The following LZTR1 variants were observed in gnomAD, a reference collection of about 807,000 sequenced individuals.
LZTR1 encodes the protein leucine zipper like post translational regulator 1, also known as leucine-zipper-like transcriptional regulator 1.
In LZTR1, 260 loss-of-function variants were observed where a neutral mutation model predicts 105.7. That is an observed-to-expected ratio of 2.46 (90% CI 2.22 to 2.72). The LOEUF (loss-of-function observed/expected upper bound fraction) is 2.72, where lower values mean the gene tolerates loss of function less well. LZTR1 is among the 30% of genes most tolerant of loss of function. LZTR1 has a pLI of 0.00. For synonymous variants in LZTR1, 490 were observed against 476.4 expected, an observed-to-expected ratio of 1.03 and a Z score of -0.37; for missense variants, 1,214 against 1,166.9, an observed-to-expected ratio of 1.04 and a Z score of -0.59.
At chr22:20,987,292 G>A (rs1924421767) in intron 3 of LZTR1, 1 of 510,978 alleles carries the variant, frequency 2.0e-6, no homozygotes, top group African/African-American at 1.9e-5. Context: ...TACTCAGGAG[G>A]CTGAGGCAGG....
Position 20,995,126 on chromosome 22 carries a change from G to T in LZTR1, c.1942+100G>T, listed in dbSNP as rs777307233. 1.0e-5 allele frequency: 14 copies of T among 1,354,488 alleles called. No individual in the cohort carries two copies. The African/African-American group carries it at 1.4e-4, about 14-fold the overall frequency. 83.9% of individuals were successfully genotyped at this position (1,354,488 alleles called of 1,614,324 possible). On this transcript the variant is annotated intron_variant, in intron 16 of 20. Transcript: ENST00000646124. ...GGAGAGCACCTGCCAGGCCCTCGGG[G>T]TGGGGGTGGGTGCCATGGGACCCCA...
At chr22:20,985,781 T>A in intron 2 of LZTR1, 60 bp from the exon 3 acceptor site, 1 of 1,513,508 alleles carries the variant, frequency 6.6e-7, no homozygotes. Context: ...AGTGCCCATC[T>A]CTGGGGTCAC....
In LZTR1 at chr22:20,995,767, T is replaced by A. The variant is rs199696566; in HGVS notation, c.1964T>A (p.Met655Lys). Residue 655 changes from methionine to lysine, a missense_variant, in exon 17 of 21, where the codon ATG (methionine) becomes AAG (lysine). Met to Lys is a moderately conservative substitution (Grantham distance 95). Coordinates refer to ENST00000646124, the MANE Select transcript of LZTR1 (RefSeq NM_006767.4). ...VDIGTSLIQD[M>K]KAYLEGAGAE... Reference sequence around the variant, plus strand: ...CCAGGCACATCTCTGATCCAGGACATGAAGGCATACCTGGAGGGAGCGGGC... The same window carrying A: ...CCAGGCACATCTCTGATCCAGGACAAGAAGGCATACCTGGAGGGAGCGGGC... 2 of 1,613,598 alleles carry A rather than the reference T, an allele frequency of 1.2e-6. No homozygotes were observed. The highest frequency in any genetic ancestry group is 1.7e-6 in the Non-Finnish European group (2 of 1,180,002).
rs1308380413 is a variant in LZTR1, at chr22:20,982,414, G to A, written c.43G>A (p.Ala15Thr). 6.4e-7 allele frequency: 1 copy of A among 1,570,300 alleles called. No homozygotes were observed. The highest frequency in any genetic ancestry group is 1.3e-5 in the African/African-American group (1 of 74,144). Reference protein sequence around the residue: ...GSTGGQIGAAALAGGARSKVA... With the variant: ...GSTGGQIGAATLAGGARSKVA... ...CACGGGGGGGCAGATCGGGGCTGCG[G>A]CCCTGGCAGGCGGCGCGCGGTCCAA... Residue 15 changes from alanine (A) to threonine (T), a missense_variant, in exon 1 of 21, where the codon GCC (alanine) becomes ACC (threonine). Physicochemically the swap from Ala to Thr is moderately conservative, Grantham distance 58. Transcript: ENST00000646124.
At chr22:20,986,865 C>T (rs916973628) in intron 3 of LZTR1, 1 of 152,206 alleles carries the variant, frequency 6.6e-6, no homozygotes, top group South Asian at 2.1e-4. Context: ...TGGTCACATT[C>T]TGTGAGTGGA....
At position 20,998,554 on chromosome 22, in the gene LZTR1, T is replaced by A. The variant is rs762214332; in HGVS notation, c.*1206T>A. On this transcript the variant is annotated 3_prime_UTR_variant, in exon 21 of 21. Coordinates refer to ENST00000646124, the MANE Select transcript of LZTR1 (RefSeq NM_006767.4). ...AGTGACCTGCTCTCCTTTGGGTGTATGCAGGTGTGTGGGGGGCCCTGAGTG... is the reference window on the plus strand; with the variant it reads ...AGTGACCTGCTCTCCTTTGGGTGTAAGCAGGTGTGTGGGGGGCCCTGAGTG... 3.3e-5 allele frequency: 5 copies of A among 152,362 alleles called. No individual in the cohort carries two copies. The East Asian group carries it at 9.6e-4, about 29-fold the overall frequency. 9.4% of individuals were successfully genotyped at this position (152,362 alleles called of 1,614,324 possible). A position where few individuals can be genotyped will look rare whatever the true frequency, so the allele number is the denominator to read the frequency against.
At chr22:20,984,026 T>C (rs939107156) in intron 2 of LZTR1, among the ~76,000 whole-genome samples, 13 of 152,344 alleles carry the variant, frequency 8.5e-5, no homozygotes, top group African/African-American at 3.1e-4. Flanking sequence ...TTGCTATGTT[T>C]GGATTGTACC....
chr22:20,985,806 G>C (rs777386554), intron 2 of LZTR1, 35 bp from the exon 3 acceptor site: 1 of 1,610,334 alleles, frequency 6.2e-7, no homozygotes, highest in Non-Finnish European at 8.5e-7. Flanking sequence ...GAGTAGACCT[G>C]GCTAATGCCA....
Position 20,990,595 on chromosome 22 carries a change from C to T in LZTR1, c.791+70C>T, listed in dbSNP as rs2073989. 0.33 allele frequency: 480,425 copies of T among 1,476,362 alleles called. 84,127 individuals are homozygous for T. The highest frequency in any genetic ancestry group is 0.39 in the Admixed American group (20,641 of 52,378). The allele number at this position is 1,476,362 out of a possible 1,614,324, so 91.5% of individuals were successfully genotyped here. A position where few individuals can be genotyped will look rare whatever the true frequency, so the allele number is the denominator to read the frequency against. On this transcript the variant is annotated intron_variant, in intron 8 of 20. Transcript: ENST00000646124. ...CTCGAATCCTTCTGAATATGAAGAA[C>T]GCCTCTTGCACCTGGTGGCCATGGT...
chr22:20,983,163 C>T, intron 2 of LZTR1, 74 bp downstream of exon 2: 1 of 1,299,038 alleles, frequency 7.7e-7, no homozygotes, highest in Non-Finnish European at 1.1e-6. Flanking sequence ...GCCTGTCCAG[C>T]TCCATTACTG....
At position 20,994,920 on chromosome 22, in the gene LZTR1, C is replaced by G; in HGVS notation, c.1836C>G (p.Ile612Met). Residue 612 changes from isoleucine (I) to methionine (M), a missense_variant, in exon 16 of 21, where the codon ATC (isoleucine) becomes ATG (methionine). Transcript: ENST00000646124. ...AGGAGTCCCACTTCAACCAGGTGAT[C>G]ATGATGAAGGAGTTCGAGCGCCTCT... ...VVKESHFNQVIMMKEFERLSS... is the reference protein window; with the variant it reads ...VVKESHFNQVMMMKEFERLSS... 1 of 1,613,392 alleles carries G rather than the reference C, an allele frequency of 6.2e-7. No homozygotes were observed. Among genetic ancestry groups the G allele is most frequent in the Non-Finnish European group, 8.5e-7 (1 of 1,180,006 alleles).
intron 2 of LZTR1, among the ~76,000 whole-genome samples, chr22:20,983,673 A>C (rs1924277444): frequency 6.6e-6 from 1 of 152,118 alleles, no homozygotes; most frequent in South Asian, 2.1e-4. Context: ...GAAGCCCTGG[A>C]AGGTCTGGCC....
chr22:20,995,495 G>A (rs1924801006), intron 16 of LZTR1: 1 of 683,092 alleles, frequency 1.5e-6, no homozygotes, highest in Non-Finnish European at 2.7e-6. Context: ...GTCAGCGAGG[G>A]GGTACAGCAA....
chr22:20,982,900 A>T lies in LZTR1; in HGVS notation c.201-127A>T. On this transcript the variant is annotated intron_variant, in intron 1 of 20. Coordinates refer to ENST00000646124, the MANE Select transcript of LZTR1 (RefSeq NM_006767.4). ...GCAGGATGATTGGTGTTATCTTAGA[A>T]GATGATGGATCTTAGCAGTTGAGAG... 4 of 754,380 alleles carry T rather than the reference A, an allele frequency of 5.3e-6. No homozygotes were observed. In the South Asian group the frequency reaches 6.2e-5, roughly 12 times the overall value. 46.7% of individuals were successfully genotyped at this position (754,380 alleles called of 1,614,324 possible).
At position 20,995,794 on chromosome 22, in the gene LZTR1, C is replaced by T. The variant is rs776112712; in HGVS notation, c.1991C>T (p.Ala664Val). 2.4e-5 allele frequency: 39 copies of T among 1,613,334 alleles called. 1 individual carries two copies. Among genetic ancestry groups the T allele is most frequent in the African/African-American group, 9.4e-5 (7 of 74,830 alleles). Residue 664 changes from alanine (A) to valine (V), a missense_variant, in exon 17 of 21, where the codon GCG (alanine) becomes GTG (valine). Physicochemically the swap from Ala to Val is moderately conservative, Grantham distance 64. Transcript: ENST00000646124. ...DMKAYLEGAGAEFCDITLLLD... is the reference protein window; with the variant it reads ...DMKAYLEGAGVEFCDITLLLD... ...AAGGCATACCTGGAGGGAGCGGGCG[C>T]GGAATTCTGTGACATCACTCTGTTG... is the stretch of plus-strand genomic sequence containing the variant.
intron 7 of LZTR1, 25 bp from the exon 8 acceptor site, chr22:20,990,361 G>A (rs368545133): frequency 6.8e-6 from 11 of 1,613,824 alleles, no homozygotes; most frequent in Non-Finnish European, 9.3e-6. Flanking sequence ...TGAGGCCGGG[G>A]CTGAGCTGTC....
rs758338373 is a variant in LZTR1, at chr22:20,988,862, G to A, written c.583G>A (p.Gly195Ser). The A allele has an allele frequency of 2.5e-6, 4 of 1,613,708 alleles. No homozygotes were observed. Among genetic ancestry groups the A allele is most frequent in the Non-Finnish European group, 3.4e-6 (4 of 1,179,870 alleles). ...GCTGTGGATCTTTGCTGGCTATGAC[G>A]GCAACGCCAGGTGGGTGGTGGTCCG... ...DKLWIFAGYD[G>S]NARLNDMWTI... The change falls in exon 6 of 21, where the codon GGC becomes AGC. Residue 195 changes from glycine (G) to serine (S), a missense_variant. Physicochemically the swap from Gly to Ser is moderately conservative, Grantham distance 56. Transcript: ENST00000646124.
At chr22:20,987,688 G>A in intron 4 of LZTR1, 105 bp downstream of exon 4, 9 of 1,039,374 alleles carry the variant, frequency 8.7e-6, no homozygotes, top group Non-Finnish European at 1.4e-5. Context: ...GTACAGCAGG[G>A]GCTCTCTCTC....
At position 20,997,586 on chromosome 22, in the gene LZTR1, C is replaced by T. The variant is rs536364273; in HGVS notation, c.*238C>T. On this transcript the variant is annotated 3_prime_UTR_variant, in exon 21 of 21. Transcript: ENST00000646124. ...GAAGCAGACCCCCTCCTGTCATCAC[C>T]CTCTCCTGGTGTAGTGTGGATGCGA... 1.2e-4 allele frequency: 59 copies of T among 478,372 alleles called. No homozygotes were observed. The highest frequency in any genetic ancestry group is 8.0e-4 in the Admixed American group (24 of 29,838). The allele number at this position is 478,372 out of a possible 1,614,324, so 29.6% of individuals were successfully genotyped here.
Sources: gnomAD v4.1 joint callset for allele counts (sites outside exome capture counted in the v4.1 genomes callset) on GRCh38, gnomAD v4.1.1 for gene constraint, MANE v1.5 for transcripts, NCBI Gene and HGNC (gene_info 2026-07-23, HGNC 2026-07-21) for gene names.